Variants in CDH13 observed in about 807,000 individuals in gnomAD.
The protein encoded by CDH13 is cadherin-13.
In CDH13, 24 loss-of-function variants were observed where a neutral mutation model predicts 63.8. The ratio of observed to expected loss-of-function variants is 0.38; its 90% CI spans 0.27 to 0.53. The LOEUF (loss-of-function observed/expected upper bound fraction) is 0.53. Among genes scored for constraint, CDH13 ranks in the 20% least tolerant of loss-of-function variants. The probability of loss-of-function intolerance (pLI) is 0.85; values close to 1 mark genes in which losing one functional copy is unlikely to be tolerated. For synonymous variants in CDH13, 503 were observed against 355.3 expected (o/e 1.42, Z -4.67); for missense variants, 1,049 against 903.1 (o/e 1.16, Z -2.07).
At chr16:83,263,813 C>A (rs957145186) in intron 5 of CDH13, among the ~76,000 whole-genome samples, 10 of 152,280 alleles carry the variant, frequency 6.6e-5, no homozygotes, top group African/African-American at 1.9e-4. Context: ...CATTTTCCTG[C>A]CCATGTGTAC....
intron 1 of CDH13, among the ~76,000 whole-genome samples, chr16:82,756,151 A>T (rs149568707): frequency 6.6e-6 from 1 of 152,308 alleles, no homozygotes; most frequent in South Asian, 2.1e-4. Flanking sequence ...GCTTGTAAAA[A>T]GTTGCATATT....
intron 4 of CDH13, among the ~76,000 whole-genome samples, chr16:83,203,409 A>G (rs933152011): frequency 1.2e-4 from 18 of 152,082 alleles, no homozygotes; most frequent in East Asian, 3.9e-4. Context: ...AAATAAGGCC[A>G]GGTGTGGTGG....
intron 4 of CDH13, among the ~76,000 whole-genome samples, chr16:83,151,646 A>G (rs536777421): frequency 6.6e-6 from 1 of 152,338 alleles, no homozygotes; most frequent in African/African-American, 2.4e-5. Context: ...AAAAAATAAA[A>G]GCCCACCTAC....
chr16:83,450,388 C>T (rs2072852824), intron 6 of CDH13, among the ~76,000 whole-genome samples: 1 of 152,112 alleles, frequency 6.6e-6, no homozygotes, highest in Non-Finnish European at 1.5e-5. Flanking sequence ...CTGTTTGCTC[C>T]TCTGAAAAAT....
intron 1 of CDH13, among the ~76,000 whole-genome samples, chr16:82,679,313 G>T (rs1914283118): frequency 6.6e-6 from 1 of 152,198 alleles, no homozygotes; most frequent in African/African-American, 2.4e-5. Context: ...GAAGCTGTCT[G>T]ATCACATACC....
intron 1 of CDH13, among the ~76,000 whole-genome samples, chr16:82,736,330 G>C (rs1431812200): frequency 6.6e-6 from 1 of 152,146 alleles, no homozygotes; most frequent in African/African-American, 2.4e-5. Context: ...ACAAAGCGGA[G>C]TTGTTAAGGG....
At chr16:83,280,368 T>C (rs2089133119) in intron 5 of CDH13, among the ~76,000 whole-genome samples, 1 of 152,252 alleles carries the variant, frequency 6.6e-6, no homozygotes, top group South Asian at 2.1e-4. Context: ...ATAAGAGCAA[T>C]TCTTCATCCA....
At chr16:83,339,933 C>CAT (rs2090684830) in intron 5 of CDH13, among the ~76,000 whole-genome samples, 1 of 152,180 alleles carries the variant, frequency 6.6e-6, no homozygotes, top group Non-Finnish European at 1.5e-5. Flanking sequence ...GTTACTCCTC[C>CAT]CTGGGATATT....
At chr16:82,832,716 T>C (rs1257996657) in intron 1 of CDH13, among the ~76,000 whole-genome samples, 1 of 145,500 alleles carries the variant, frequency 6.9e-6, no homozygotes, top group East Asian at 2.0e-4. Flanking sequence ...CATGTTACAG[T>C]AAGCTTTTGC....
At chr16:82,934,012 C>G (rs767088220) in intron 2 of CDH13, among the ~76,000 whole-genome samples, 6 of 152,186 alleles carry the variant, frequency 3.9e-5, no homozygotes, top group African/African-American at 1.4e-4. Flanking sequence ...ATGGATCTAC[C>G]ATCCTGGGGT....
At chr16:82,982,807 A>G (rs1910454305) in intron 2 of CDH13, among the ~76,000 whole-genome samples, 1 of 152,158 alleles carries the variant, frequency 6.6e-6, no homozygotes, top group South Asian at 2.1e-4. Context: ...TGGCCCTAAT[A>G]TTCCCTCCAT....
At chr16:83,390,513 G>C (rs1410606422) in intron 6 of CDH13, among the ~76,000 whole-genome samples, 1 of 150,900 alleles carries the variant, frequency 6.6e-6, no homozygotes, top group Non-Finnish European at 1.5e-5. Context: ...TAAAGATAAT[G>C]TGTGATTTTG....
chr16:82,681,630 G>A (rs1002051253), intron 1 of CDH13, among the ~76,000 whole-genome samples: 1 of 152,214 alleles, frequency 6.6e-6, no homozygotes, highest in African/African-American at 2.4e-5. Context: ...GGGAGTGGTA[G>A]CGGATGCTCC....
At chr16:83,136,931 C>T (rs2151667648) in intron 4 of CDH13, among the ~76,000 whole-genome samples, 1 of 152,308 alleles carries the variant, frequency 6.6e-6, no homozygotes, top group Non-Finnish European at 1.5e-5. Flanking sequence ...ATAAATTCTC[C>T]CACAGCGGCC....
intron 2 of CDH13, among the ~76,000 whole-genome samples, chr16:82,914,075 T>A (rs2041914164): frequency 6.6e-6 from 1 of 152,104 alleles, no homozygotes. Flanking sequence ...CATGGAGCTC[T>A]GAGGAAGGGA....
chr16:83,064,650 C>G (rs896785098), intron 3 of CDH13, among the ~76,000 whole-genome samples: 1 of 152,128 alleles, frequency 6.6e-6, no homozygotes, highest in Non-Finnish European at 1.5e-5. Flanking sequence ...TGTTAGCTCA[C>G]TTTCCAATTC....
At chr16:82,721,738 A>G (rs767286947) in intron 1 of CDH13, among the ~76,000 whole-genome samples, 18 of 152,190 alleles carry the variant, frequency 1.2e-4, no homozygotes, top group Non-Finnish European at 1.9e-4. Context: ...TTTGTTCTAA[A>G]TACAATCAAA....
At chr16:83,515,039 G>C (rs536634595) in intron 7 of CDH13, among the ~76,000 whole-genome samples, 10 of 152,220 alleles carry the variant, frequency 6.6e-5, no homozygotes, top group Admixed American at 6.5e-4. Flanking sequence ...GGAGGTTTAG[G>C]GTCAGAGGCA....
chr16:82,958,389 G>A (rs1906446880), intron 2 of CDH13, among the ~76,000 whole-genome samples: 1 of 152,210 alleles, frequency 6.6e-6, no homozygotes, highest in Non-Finnish European at 1.5e-5. Context: ...AGGAGAGGAT[G>A]CGGTGAAGAA....
Sources: allele counts gnomAD v4.1 joint callset (sites outside exome capture counted in the v4.1 genomes callset), GRCh38; gene constraint gnomAD v4.1.1; transcripts MANE v1.5; gene names NCBI Gene and HGNC (gene_info 2026-07-23, HGNC 2026-07-21).